The following COL6A2 variants were observed in gnomAD, a reference collection of about 807,000 sequenced individuals.
COL6A2 encodes the protein collagen type VI alpha 2 chain.
Under a neutral mutation model 124.9 loss-of-function variants are expected in COL6A2, and 90 were observed. The observed-to-expected ratio is 0.72, with a 90% CI of 0.61 to 0.86. COL6A2 has a LOEUF of 0.86. Ranked by LOEUF, COL6A2 falls within the 40% of genes least tolerant of loss-of-function variation. COL6A2 has a pLI of 0.00. For synonymous variants in COL6A2, 793 were observed against 618.2 expected (o/e 1.28, Z -4.19); for missense variants, 1,607 against 1,502.5 (o/e 1.07, Z -1.15).
chr21:46,112,938 G>T, intron 4 of COL6A2, 114 bp downstream of exon 4: 1 of 1,343,698 alleles, frequency 7.4e-7, no homozygotes, highest in South Asian at 1.2e-5. Flanking sequence ...AGAGGAGAGG[G>T]AGTCACCTGC....
intron 14 of COL6A2, 42 bp downstream of exon 14, chr21:46,119,161 ATCC>A: frequency 6.8e-7 from 1 of 1,480,002 alleles, no homozygotes; most frequent in Middle Eastern, 2.2e-4. Context: ...CGCTCTGGGC[ATCC>A]TCCTTGCAGC....
chr21:46,118,139 G>T (rs565019568), intron 12 of COL6A2, among the ~76,000 whole-genome samples: 1 of 152,024 alleles, frequency 6.6e-6, no homozygotes, highest in Admixed American at 6.5e-5. Context: ...CGGCCCCGCC[G>T]CTGCTCACCG....
intron 15 of COL6A2, among the ~76,000 whole-genome samples, 171 bp downstream of exon 15, chr21:46,120,021 A>G (rs572007151): frequency 5.0e-5 from 7 of 140,448 alleles, no homozygotes; most frequent in African/African-American, 1.8e-4. Flanking sequence ...CCCACACCCC[A>G]TTCTCTGCTG....
In COL6A2 at chr21:46,114,076, AAGATGCCC is replaced by A; in HGVS notation, c.801+8_801+15del. 1 of 1,612,398 alleles carries A rather than the reference AAGATGCCC, an allele frequency of 6.2e-7. No individual in the cohort carries two copies. Among genetic ancestry groups the A allele is most frequent in the Non-Finnish European group, 8.5e-7 (1 of 1,178,876 alleles). On this transcript the variant is annotated splice_donor_5th_base_variant and intron_variant, in intron 5 of 27. Coordinates refer to ENST00000300527, the MANE Select transcript of COL6A2 (RefSeq NM_001849.4). ...CCAAGGGCTACCGTGGACAGAAGGTAAGATGCCCAGATTACCTGCAGGGTCTGCGCTAC... is the reference window on the plus strand; with the variant it reads ...CCAAGGGCTACCGTGGACAGAAGGTAAGATTACCTGCAGGGTCTGCGCTAC...
intron 1 of COL6A2, among the ~76,000 whole-genome samples, chr21:46,107,731 T>C (rs1262955293): frequency 2.0e-5 from 3 of 152,214 alleles, no homozygotes; most frequent in East Asian, 1.9e-4. Context: ...ACTCAACCAA[T>C]TGTCAACCAG....
chr21:46,112,226 C>G lies in COL6A2; in HGVS notation c.363C>G (p.Asn121Lys), dbSNP rs1181444962. The G allele has an allele frequency of 6.2e-7, 1 of 1,612,912 alleles. No individual in the cohort carries two copies. Among genetic ancestry groups the G allele is most frequent in the Non-Finnish European group, 8.5e-7 (1 of 1,180,024 alleles). The part of the protein sequence containing the change: ...PGSDRASFIK[N>K]LQGISSFRRG... Reference sequence around the variant, plus strand: ...GCGACCGGGCCTCCTTCATCAAGAACCTGCAGGGCATCAGCTCCTTCCGCC... The same window carrying G: ...GCGACCGGGCCTCCTTCATCAAGAAGCTGCAGGGCATCAGCTCCTTCCGCC... The change falls in exon 3 of 28, where the codon AAC becomes AAG. Residue 121 changes from asparagine to lysine, a missense_variant. Transcript: ENST00000300527.
At chr21:46,124,111 G>A (rs906817476) in intron 21 of COL6A2, among the ~76,000 whole-genome samples, 4 of 150,610 alleles carry the variant, frequency 2.7e-5, no homozygotes, top group African/African-American at 9.8e-5. Flanking sequence ...GGACGGACAG[G>A]TGAGTGGGTG....
intron 1 of COL6A2, among the ~76,000 whole-genome samples, chr21:46,103,436 T>G (rs1425262074): frequency 3.9e-5 from 6 of 152,152 alleles, no homozygotes; most frequent in Admixed American, 3.9e-4. Context: ...TTTGCTCTGA[T>G]CTTTATTTTT....
intron 16 of COL6A2, 128 bp from the exon 17 acceptor site, chr21:46,120,933 G>A: frequency 2.3e-6 from 2 of 860,130 alleles, no homozygotes; most frequent in Non-Finnish European, 3.9e-6. Context: ...CCTCCGGGGA[G>A]GGTCATAGGG....
intron 26 of COL6A2, 92 bp from the exon 27 acceptor site, chr21:46,126,411 C>T: frequency 1.3e-6 from 2 of 1,574,520 alleles, no homozygotes; most frequent in Non-Finnish European, 1.7e-6. Context: ...GCCAGCTGCA[C>T]CCTGAGCCTG....
rs759436795 is a variant in COL6A2, at chr21:46,114,084, C to G, written c.801+11C>G. ...TACCGTGGACAGAAGGTAAGATGCC[C>G]AGATTACCTGCAGGGTCTGCGCTAC... On this transcript the variant is annotated intron_variant, in intron 5 of 27. Transcript: ENST00000300527. 6.8e-6 allele frequency: 11 copies of G among 1,610,184 alleles called. No homozygotes were observed. The highest frequency in any genetic ancestry group is 8.5e-6 in the Non-Finnish European group (10 of 1,177,074).
At position 46,121,615 on chromosome 21, in the gene COL6A2, C is replaced by T. The variant is rs767192013; in HGVS notation, c.1518C>T (p.Pro506=). 5.6e-6 allele frequency: 9 copies of T among 1,612,648 alleles called. No individual in the cohort carries two copies. In the African/African-American group the frequency reaches 1.1e-4, roughly 19 times the overall value. The change falls in exon 18 of 28, where the codon CCC becomes CCT. Residue 506 remains proline, a synonymous_variant. Coordinates refer to ENST00000300527, the MANE Select transcript of COL6A2 (RefSeq NM_001849.4). ...GPRGDSGQPG[P]KGDPGRPGFS... is the part of the protein sequence containing the mutation. ...GTGGAGACTCAGGACAGCCAGGCCCCAAGGTACGTGCCCCTCCCCCAGCAG... is the reference window on the plus strand; with the variant it reads ...GTGGAGACTCAGGACAGCCAGGCCCTAAGGTACGTGCCCCTCCCCCAGCAG...
At chr21:46,100,441 G>A (rs940466150) in intron 1 of COL6A2, among the ~76,000 whole-genome samples, 4 of 152,062 alleles carry the variant, frequency 2.6e-5, no homozygotes, top group Admixed American at 1.3e-4. Context: ...CCATTTTTAA[G>A]TGTGCAGCTA....
At chr21:46,125,085 G>A (rs576445168) in intron 23 of COL6A2, among the ~76,000 whole-genome samples, 165 bp downstream of exon 23, 1 of 152,232 alleles carries the variant, frequency 6.6e-6, no homozygotes, top group Admixed American at 6.5e-5. Flanking sequence ...AGGTCACAGG[G>A]CAAGGTTGGT....
At chr21:46,101,747 C>T (rs1230269280) in intron 1 of COL6A2, among the ~76,000 whole-genome samples, 3 of 150,536 alleles carry the variant, frequency 2.0e-5, no homozygotes, top group African/African-American at 4.9e-5. Flanking sequence ...GTCTGTATGT[C>T]TGTCTTTATG....
chr21:46,116,299 A>C lies in COL6A2; in HGVS notation c.901-78A>C, dbSNP rs908077096. On this transcript the variant is annotated intron_variant, in intron 7 of 27. Transcript: ENST00000300527. The surrounding 1 kb of genome is among the most constrained non-coding windows in gnomAD (Gnocchi z 4.6). ...CAGCGGCCCACCGAGCACTCCCCTC[A>C]GCCTGCAGGGCTGGCCCTTCCCTGC... 4 of 1,531,170 alleles carry C rather than the reference A, an allele frequency of 2.6e-6. No homozygotes were observed. Among genetic ancestry groups the C allele is most frequent in the Admixed American group, 1.7e-5 (1 of 58,734 alleles). 94.8% of individuals were successfully genotyped at this position (1,531,170 alleles called of 1,614,324 possible). A position where few individuals can be genotyped will look rare whatever the true frequency, so the allele number is the denominator to read the frequency against.
At chr21:46,122,074 T>C in intron 18 of COL6A2, 34 bp from the exon 19 acceptor site, 1 of 1,609,890 alleles carries the variant, frequency 6.2e-7, no homozygotes, top group Non-Finnish European at 8.5e-7. Flanking sequence ...CCCCGTCCTA[T>C]GACCATGCTG....
chr21:46,117,328 G>A, intron 10 of COL6A2, 72 bp from the exon 11 acceptor site: 1 of 1,478,356 alleles, frequency 6.8e-7, no homozygotes, highest in Non-Finnish European at 9.4e-7. Context: ...CGGGTGGGCT[G>A]TGTCTTGGTC....
In COL6A2 at chr21:46,116,839, C is replaced by G. The variant is rs779754401; in HGVS notation, c.999+25C>G. 1 of 1,612,378 alleles carries G rather than the reference C, an allele frequency of 6.2e-7. No individual in the cohort carries two copies. The highest frequency in any genetic ancestry group is 8.5e-7 in the Non-Finnish European group (1 of 1,179,746). ...GGTAGAGGGAGCCTCGGGCTCACAG[C>G]TGGACTGGTCTCACAGAGGCATCCC... On this transcript the variant is annotated intron_variant, in intron 10 of 27. Coordinates refer to ENST00000300527, the MANE Select transcript of COL6A2 (RefSeq NM_001849.4). The surrounding 1 kb of genome is among the most constrained non-coding windows in gnomAD (Gnocchi z 4.6).
Sources: allele counts gnomAD v4.1 joint callset (sites outside exome capture counted in the v4.1 genomes callset), GRCh38; gene constraint gnomAD v4.1.1; non-coding constraint Gnocchi (gnomAD v3.1); transcripts MANE v1.5; gene names NCBI Gene and HGNC (gene_info 2026-07-23, HGNC 2026-07-21).